The following DTNBP1 variants were observed in gnomAD, a reference collection of about 807,000 sequenced individuals.
DTNBP1 encodes the protein dysbindin.
In DTNBP1, 35 loss-of-function variants were observed where a neutral mutation model predicts 42.8. That is an observed-to-expected ratio of 0.82 (90% confidence interval 0.63 to 1.09). The LOEUF is 1.09. DTNBP1 is among the 50% of genes least tolerant of loss of function. The probability of loss-of-function intolerance (pLI) is 0.00; values close to 1 mark genes in which losing one functional copy is unlikely to be tolerated. For missense variants in DTNBP1, 457 were observed against 424.2 expected (o/e 1.08, Z -0.68); for synonymous variants, 171 against 162.2 (o/e 1.05, Z -0.41).
Position 15,662,885 on chromosome 6 carries a change from TCTC to T in DTNBP1, c.-19_-17del. On this transcript the variant is annotated 5_prime_UTR_variant, in exon 1 of 10. Coordinates refer to ENST00000344537, the MANE Select transcript of DTNBP1 (RefSeq NM_032122.5). The stretch of plus-strand genomic sequence containing the variant: ...TCTCCAGCATTGCCGCCGCCGCCGG[TCTC>T]CTCTCCTCAGGCCTCGGGCTGCTGC... 6.2e-7 allele frequency: 1 copy of T among 1,603,704 alleles called. No individual in the cohort carries two copies. Among genetic ancestry groups the T allele is most frequent in the Non-Finnish European group, 8.5e-7 (1 of 1,179,262 alleles).
chr6:15,645,618 C>T (rs1760633303), intron 3 of DTNBP1, among the ~76,000 whole-genome samples: 1 of 152,072 alleles, frequency 6.6e-6, no homozygotes, highest in Non-Finnish European at 1.5e-5. Flanking sequence ...CCCTTGGATG[C>T]AAGGACGGTT....
In DTNBP1 at chr6:15,585,064, A is replaced by AATATATATAT. The variant is rs59261831; in HGVS notation, c.511+7985_511+7994dup. Among the ~76,000 whole-genome samples the AATATATATAT allele has an allele frequency of 1.2e-4, 14 of 119,576 alleles. 1 individual carries two copies. Among genetic ancestry groups the AATATATATAT allele is most frequent in the Non-Finnish European group, 1.5e-4 (9 of 58,324 alleles). The allele number at this position is 119,576 out of a possible 152,430, so 78.4% of individuals were successfully genotyped here. ...TGAAGTTATATGAAATTATGAAAAG[A>AATATATATAT]ATATATATATATATATATATATATA... On this transcript the variant is annotated intron_variant, in intron 7 of 9. Coordinates refer to ENST00000344537, the MANE Select transcript of DTNBP1 (RefSeq NM_032122.5).
At chr6:15,627,644 C>G (rs1759428943) in intron 4 of DTNBP1, among the ~76,000 whole-genome samples, 169 bp from the exon 5 acceptor site, 1 of 152,106 alleles carries the variant, frequency 6.6e-6, no homozygotes, top group African/African-American at 2.4e-5. Flanking sequence ...AAAGAAACAA[C>G]TTAATATTCA....
intron 1 of DTNBP1, 24 bp from the exon 2 acceptor site, chr6:15,652,164 T>C (rs762385919): frequency 6.5e-6 from 10 of 1,531,102 alleles, no homozygotes; most frequent in African/African-American, 4.2e-5. Flanking sequence ...TAAAATATAA[T>C]ATTTTTACAA....
At chr6:15,528,283 T>C (rs1194308482) in intron 8 of DTNBP1, among the ~76,000 whole-genome samples, 1 of 152,206 alleles carries the variant, frequency 6.6e-6, no homozygotes, top group African/African-American at 2.4e-5. Context: ...CTCCTGACAC[T>C]TTGTGCCAGA....
At chr6:15,613,427 C>G (rs575614070) in intron 6 of DTNBP1, among the ~76,000 whole-genome samples, 1 of 115,212 alleles carries the variant, frequency 8.7e-6, no homozygotes, top group South Asian at 3.2e-4. Flanking sequence ...AGTGCAGTGG[C>G]GCGATCTCGG....
chr6:15,622,301 G>C (rs759683693), intron 5 of DTNBP1, among the ~76,000 whole-genome samples: 23 of 152,146 alleles, frequency 1.5e-4, no homozygotes, highest in Middle Eastern at 6.8e-3. Flanking sequence ...CAGAAGAAAT[G>C]ATGAAAATTT....
At chr6:15,641,688 A>G (rs1760366700) in intron 3 of DTNBP1, among the ~76,000 whole-genome samples, 1 of 152,136 alleles carries the variant, frequency 6.6e-6, no homozygotes, top group Admixed American at 6.5e-5. Context: ...TGCCCTGCCC[A>G]GGGATTCTCT....
intron 6 of DTNBP1, among the ~76,000 whole-genome samples, chr6:15,608,340 T>TATAA (rs532286625): frequency 9.1e-4 from 139 of 152,158 alleles, no homozygotes; most frequent in Middle Eastern, 6.8e-3. Flanking sequence ...TAATTCAAGT[T>TATAA]ATAAATAAAT....
chr6:15,607,904 C>T (rs1758170203), intron 6 of DTNBP1, among the ~76,000 whole-genome samples: 3 of 152,192 alleles, frequency 2.0e-5, no homozygotes, highest in Non-Finnish European at 4.4e-5. Context: ...CTCTCTCCAC[C>T]TTTCTGCCCT....
At chr6:15,523,794 T>G in intron 9 of DTNBP1, 2 of 1,287,180 alleles carry the variant, frequency 1.6e-6, no homozygotes, top group South Asian at 2.5e-5. Flanking sequence ...GCACCCAAGC[T>G]CCTTCTCTTC....
At chr6:15,611,171 C>A (rs537398032) in intron 6 of DTNBP1, among the ~76,000 whole-genome samples, 61 of 152,266 alleles carry the variant, frequency 4.0e-4, no homozygotes, top group African/African-American at 1.5e-3. Context: ...ATTTACTACT[C>A]TGAAAATCTT....
intron 7 of DTNBP1, among the ~76,000 whole-genome samples, chr6:15,556,249 T>C (rs1312081658): frequency 4.0e-5 from 6 of 151,562 alleles, no homozygotes; most frequent in Non-Finnish European, 5.9e-5. Flanking sequence ...TGGCACAGTC[T>C]CAGCTCACTG....
intron 7 of DTNBP1, among the ~76,000 whole-genome samples, chr6:15,568,844 ATG>A (rs1561964634): frequency 6.6e-6 from 1 of 152,206 alleles, no homozygotes; most frequent in Non-Finnish European, 1.5e-5. Context: ...TCAACTGTTT[ATG>A]TTATTGGTCA....
intron 6 of DTNBP1, among the ~76,000 whole-genome samples, chr6:15,602,095 C>G (rs1030423596): frequency 8.6e-5 from 13 of 152,014 alleles, no homozygotes; most frequent in African/African-American, 3.1e-4. Flanking sequence ...CAAAACAAAA[C>G]AAAACAAAAA....
intron 5 of DTNBP1, among the ~76,000 whole-genome samples, chr6:15,619,772 T>C (rs562236844): frequency 6.6e-6 from 1 of 152,298 alleles, no homozygotes; most frequent in African/African-American, 2.4e-5. Flanking sequence ...TTTTCTCTTT[T>C]TATCCTCCTC....
At chr6:15,641,585 G>A (rs1562008510) in intron 3 of DTNBP1, among the ~76,000 whole-genome samples, 1 of 152,120 alleles carries the variant, frequency 6.6e-6, no homozygotes, top group East Asian at 1.9e-4. Context: ...TCCTGGGGCT[G>A]GAGAATCTGG....
intron 7 of DTNBP1, among the ~76,000 whole-genome samples, chr6:15,589,514 T>C (rs942569150): frequency 6.6e-6 from 1 of 152,242 alleles, no homozygotes; most frequent in South Asian, 2.1e-4. Context: ...ATGGTTACCA[T>C]GCCTGCTGGC....
intron 7 of DTNBP1, among the ~76,000 whole-genome samples, chr6:15,552,444 G>A (rs1014092040): frequency 6.6e-6 from 1 of 152,092 alleles, no homozygotes. Flanking sequence ...TTCAATGAAA[G>A]GTTTAACACA....
Sources: allele counts gnomAD v4.1 joint callset (sites outside exome capture counted in the v4.1 genomes callset), GRCh38; gene constraint gnomAD v4.1.1; transcripts MANE v1.5; gene names NCBI Gene and HGNC (gene_info 2026-07-23, HGNC 2026-07-21).